Variants in MACC1 observed in about 807,000 individuals in gnomAD.
The protein encoded by MACC1 is MET transcriptional regulator MACC1.
MACC1 carries 79 observed loss-of-function variants against 70.7 expected under a neutral mutation model. The observed-to-expected ratio is 1.12, with a 90% CI of 0.93 to 1.35. The LOEUF (loss-of-function observed/expected upper bound fraction) is 1.35, where lower values mean the gene tolerates loss of function less well. Ranked by LOEUF, MACC1 falls within the 40% of genes most tolerant of loss-of-function variation. The pLI is 0.00. For missense variants in MACC1, 1,106 were observed against 978.1 expected (o/e 1.13, Z -1.74); for synonymous variants, 361 against 347.2 (o/e 1.04, Z -0.44).
In MACC1 at chr7:20,136,016, A is replaced by G. The variant is rs949816667; in HGVS notation, c.*4930T>C. On this transcript the variant is annotated 3_prime_UTR_variant, in exon 7 of 7. Transcript: ENST00000400331. ...GTATTCAAATTATTACTCTTAAATC[A>G]CATTCTCTTTTCTCAAAGCAAAAAG... The G allele has an allele frequency of 1.3e-5, 2 of 152,244 alleles. No homozygotes were observed. The highest frequency in any genetic ancestry group is 2.9e-5 in the Non-Finnish European group (2 of 68,050). The allele number at this position is 152,244 out of a possible 1,614,324, so 9.4% of individuals were successfully genotyped here. A position where few individuals can be genotyped will look rare whatever the true frequency, so the allele number is the denominator to read the frequency against.
Position 20,158,896 on chromosome 7 carries a change from C to T in MACC1, c.1465G>A (p.Val489Met), listed in dbSNP as rs958898636. Residue 489 changes from valine (V) to methionine (M), a missense_variant, in exon 5 of 7, where the codon GTG becomes ATG. Coordinates refer to ENST00000400331, the MANE Select transcript of MACC1 (RefSeq NM_182762.4). ...ACTGGTTCACCATTGGGAGGCTCCA[C>T]TTGAACACAAAAATCAAACAAGTGC... ...EMHLFDFCVQ[V>M]EPPNGEPVAQ... is the part of the protein sequence containing the mutation. The T allele has an allele frequency of 6.2e-7, 1 of 1,613,904 alleles. No homozygotes were observed. Among genetic ancestry groups the T allele is most frequent in the Admixed American group, 1.7e-5 (1 of 59,958 alleles).
intron 1 of MACC1, among the ~76,000 whole-genome samples, chr7:20,206,457 T>C (rs1012412885): frequency 2.6e-5 from 4 of 152,200 alleles, no homozygotes; most frequent in Admixed American, 2.0e-4. Flanking sequence ...TACCTTCCAT[T>C]GGGATTTTCT....
intron 6 of MACC1, among the ~76,000 whole-genome samples, chr7:20,145,191 C>A (rs1229388874): frequency 6.6e-6 from 1 of 152,142 alleles, no homozygotes; most frequent in African/African-American, 2.4e-5. Flanking sequence ...CAGTGTAACA[C>A]TGAGGACTTC....
rs1330371944 is a variant in MACC1 at position 20,160,116 on chromosome 7, G to A, written c.245C>T (p.Thr82Ile). ...TCTCTTCCTGTTATTTCTTAGTTGA[G>A]TTATGTCATCCAAAAATGGGTTAGA... The part of the protein sequence containing the change: ...SASNPFLDDI[T>I]QLRNNRKRNN... Residue 82 changes from threonine (T) to isoleucine (I), a missense_variant, in exon 5 of 7, where the codon ACT becomes ATT. Coordinates refer to ENST00000400331, the MANE Select transcript of MACC1 (RefSeq NM_182762.4). The A allele has an allele frequency of 6.2e-7, 1 of 1,613,398 alleles. No individual in the cohort carries two copies. The highest frequency in any genetic ancestry group is 1.7e-5 in the Admixed American group (1 of 59,850).
At chr7:20,209,309 G>A (rs1231209293) in intron 1 of MACC1, among the ~76,000 whole-genome samples, 1 of 152,262 alleles carries the variant, frequency 6.6e-6, no homozygotes, top group African/African-American at 2.4e-5. Context: ...GCCTGTGAAA[G>A]CAGCTTAGAA....
chr7:20,202,803 G>T (rs1782852354), intron 1 of MACC1, among the ~76,000 whole-genome samples: 1 of 152,152 alleles, frequency 6.6e-6, no homozygotes, highest in Admixed American at 6.5e-5. Flanking sequence ...GGCACATGTG[G>T]CTAATGCTTA....
At chr7:20,200,541 G>A (rs1443609985) in intron 1 of MACC1, among the ~76,000 whole-genome samples, 5 of 152,228 alleles carry the variant, frequency 3.3e-5, no homozygotes, top group Non-Finnish European at 2.9e-5. Flanking sequence ...ATTACAGGAA[G>A]TTTTTAGTTT....
At position 20,159,282 on chromosome 7, in the gene MACC1, G is replaced by A; in HGVS notation, c.1079C>T (p.Ala360Val). The change falls in exon 5 of 7, where the codon GCC becomes GTC. Residue 360 changes from alanine (A) to valine (V), a missense_variant. Transcript: ENST00000400331. ...AQAKALPSPAATIWDYIHKTT... is the reference protein window; with the variant it reads ...AQAKALPSPAVTIWDYIHKTT... ...TTTGTGGATATAATCCCAAATGGTG[G>A]CAGCTGGTGACGGAAGAGCTTTAGC... 6.2e-7 allele frequency: 1 copy of A among 1,613,984 alleles called. No homozygotes were observed. The highest frequency in any genetic ancestry group is 8.5e-7 in the Non-Finnish European group (1 of 1,179,994).
Position 20,135,769 on chromosome 7 carries a change from A to G in MACC1, c.*5177T>C, listed in dbSNP as rs937045184. On this transcript the variant is annotated 3_prime_UTR_variant, in exon 7 of 7. Coordinates refer to ENST00000400331, the MANE Select transcript of MACC1 (RefSeq NM_182762.4). ...CTTTGAGAAGCTCCTAGTGAAACCA[A>G]TGCTGACCTCCTAAGTCAGTACTCA... 3.3e-5 allele frequency: 5 copies of G among 152,262 alleles called. No homozygotes were observed. The highest frequency in any genetic ancestry group is 4.4e-5 in the Non-Finnish European group (3 of 68,058). 9.4% of individuals were successfully genotyped at this position (152,262 alleles called of 1,614,324 possible). A position where few individuals can be genotyped will look rare whatever the true frequency, so the allele number is the denominator to read the frequency against.
At chr7:20,177,405 T>C (rs1416981006) in intron 1 of MACC1, among the ~76,000 whole-genome samples, 1 of 152,140 alleles carries the variant, frequency 6.6e-6, no homozygotes, top group Non-Finnish European at 1.5e-5. Flanking sequence ...CACCATGATT[T>C]TGAAATTGTC....
intron 1 of MACC1, among the ~76,000 whole-genome samples, chr7:20,216,201 C>T (rs1180044117): frequency 6.6e-6 from 1 of 151,976 alleles, no homozygotes; most frequent in Non-Finnish European, 1.5e-5. Context: ...CAATATCAAT[C>T]CTAAATTAGA....
At position 20,148,539 on chromosome 7, in the gene MACC1, T is replaced by C. The variant is rs539754703; in HGVS notation, c.2346+5654A>G. 1.4e-4 allele frequency among the ~76,000 whole-genome samples: 22 copies of C among 152,322 alleles called. 1 individual carries two copies. The South Asian group carries it at 1.7e-3, about 11-fold the overall frequency. ...TTAAATAGTGTCTTTAAATCCATTT[T>C]GAATTTTCTTAATAATGTTTAACTT... On this transcript the variant is annotated intron_variant, in intron 6 of 6. Transcript: ENST00000400331.
rs1255832396 is a variant in MACC1, at chr7:20,158,226, T to C, written c.2135A>G (p.Lys712Arg). 4.4e-6 allele frequency: 7 copies of C among 1,584,570 alleles called. No individual in the cohort carries two copies. Among genetic ancestry groups the C allele is most frequent in the African/African-American group, 2.7e-5 (2 of 73,324 alleles). The change falls in exon 5 of 7, where the codon AAG (lysine) becomes AGG (arginine). Residue 712 changes from lysine to arginine, a missense_variant. Physicochemically the swap from Lys to Arg is conservative, Grantham distance 26 (BLOSUM62 2). Transcript: ENST00000400331. ...CACCACAATAAGTTCATACAGAAAC[T>C]TCCTTGTATTTCTCTCTGTGTGGCA... is the stretch of plus-strand genomic sequence containing the variant. Reference protein sequence around the residue: ...EDCHTERNTRKFLYELIVALL... With the variant: ...EDCHTERNTRRFLYELIVALL...
At chr7:20,211,554 C>G (rs1002633608) in intron 1 of MACC1, among the ~76,000 whole-genome samples, 1 of 152,094 alleles carries the variant, frequency 6.6e-6, no homozygotes, top group Non-Finnish European at 1.5e-5. Context: ...CTGAGTCTCC[C>G]AGATGCCACA....
intron 6 of MACC1, among the ~76,000 whole-genome samples, chr7:20,149,118 ATGT>A (rs1352954043): frequency 2.6e-5 from 4 of 152,194 alleles, no homozygotes. Context: ...GGAAAATTAA[ATGT>A]TGTTAAGCCC....
At position 20,159,007 on chromosome 7, in the gene MACC1, T is replaced by G. The variant is rs191210999; in HGVS notation, c.1354A>C (p.Arg452=). ...AACTGCTTTTGTTTAATTTCTTTCCTTTCTCCTTCTGTCTTTACTTCAAAA... is the reference window on the plus strand; with the variant it reads ...AACTGCTTTTGTTTAATTTCTTTCCGTTCTCCTTCTGTCTTTACTTCAAAA... ...PDFEVKTEGE[R]KEIKQKQLEA... is the part of the protein sequence containing the mutation. The change falls in exon 5 of 7, where the codon AGG becomes CGG. Residue 452 remains arginine (R), a synonymous_variant. Coordinates refer to ENST00000400331, the MANE Select transcript of MACC1 (RefSeq NM_182762.4). 1 of 1,613,928 alleles carries G rather than the reference T, an allele frequency of 6.2e-7. No homozygotes were observed. The highest frequency in any genetic ancestry group is 8.5e-7 in the Non-Finnish European group (1 of 1,180,030).
chr7:20,203,227 C>T (rs938526222), intron 1 of MACC1, among the ~76,000 whole-genome samples: 1 of 152,164 alleles, frequency 6.6e-6, no homozygotes, highest in Non-Finnish European at 1.5e-5. Context: ...GACTGATCCT[C>T]CCCTCCCCAC....
chr7:20,154,076 A>G, intron 6 of MACC1, 117 bp downstream of exon 6: 1 of 992,980 alleles, frequency 1.0e-6, no homozygotes, highest in South Asian at 1.5e-5. Flanking sequence ...TGATTCAGTT[A>G]GTGGATCATC....
chr7:20,138,669 G>C lies in MACC1; in HGVS notation c.*2277C>G, dbSNP rs1469832748. Reference sequence around the variant, plus strand: ...TTATAATCAAATATAAATACTGAAAGCCGTACAGATTATTCCTTTTTTTTT... The same window carrying C: ...TTATAATCAAATATAAATACTGAAACCCGTACAGATTATTCCTTTTTTTTT... On this transcript the variant is annotated 3_prime_UTR_variant, in exon 7 of 7. Transcript: ENST00000400331. The C allele has an allele frequency of 2.0e-5, 3 of 151,270 alleles. 1 individual carries two copies. In the South Asian group the frequency reaches 6.3e-4, roughly 32 times the overall value. The allele number at this position is 151,270 out of a possible 1,614,324, so 9.4% of individuals were successfully genotyped here.
Sources: gnomAD v4.1 joint callset for allele counts (sites outside exome capture counted in the v4.1 genomes callset) on GRCh38, gnomAD v4.1.1 for gene constraint, MANE v1.5 for transcripts, NCBI Gene and HGNC (gene_info 2026-07-23, HGNC 2026-07-21) for gene names.